Variants in ASXL1 observed in about 807,000 individuals in gnomAD.
ASXL1 encodes ASXL transcriptional regulator 1, also known as polycomb group protein ASXL1.
In ASXL1, 65 loss-of-function variants were observed where a neutral mutation model predicts 89.1. The observed-to-expected ratio is 0.73, with a 90% CI of 0.60 to 0.90. The LOEUF is 0.90. Ranked by LOEUF, ASXL1 falls within the 40% of genes least tolerant of loss-of-function variation. The pLI, the probability that ASXL1 is intolerant of heterozygous loss-of-function variation, is 0.00. For synonymous variants in ASXL1, 739 were observed against 746.9 expected, an observed-to-expected ratio of 0.99 and a Z score of 0.17; for missense variants, 1,786 against 1,942.9, an observed-to-expected ratio of 0.92 and a Z score of 1.52.
rs995185013 is a variant in ASXL1, at chr20:32,431,121, C to T, written c.719-200C>T. The T allele has an allele frequency of 9.6e-6, 7 of 729,088 alleles. No individual in the cohort carries two copies. In the African/African-American group the frequency reaches 1.0e-4, roughly 11 times the overall value. The allele number at this position is 729,088 out of a possible 1,614,324, so 45.2% of individuals were successfully genotyped here. On this transcript the variant is annotated intron_variant, in intron 8 of 12. Transcript: ENST00000375687. ...AGAGTTTTGTCTGAGGAGATGCAAC[C>T]CCAAGTGTTCTCCTGGGTTTGATGG...
intron 4 of ASXL1, among the ~76,000 whole-genome samples, chr20:32,399,592 C>CT (rs2048833862): frequency 6.7e-6 from 1 of 150,302 alleles, no homozygotes; most frequent in Admixed American, 6.7e-5. Flanking sequence ...CATTAGGCTG[C>CT]TTGAAGTTGC....
At chr20:32,361,470 T>A (rs927727087) in intron 1 of ASXL1, among the ~76,000 whole-genome samples, 2 of 151,338 alleles carry the variant, frequency 1.3e-5, no homozygotes, top group African/African-American at 4.9e-5. Flanking sequence ...AAACCCAGTC[T>A]CTACTAAAAA....
At chr20:32,387,181 C>G (rs995358721) in intron 4 of ASXL1, among the ~76,000 whole-genome samples, 1 of 151,898 alleles carries the variant, frequency 6.6e-6, no homozygotes, top group Non-Finnish European at 1.5e-5. Flanking sequence ...TTGTGCACCC[C>G]CATAATCCCA....
rs1391303880 is a variant in ASXL1 at position 32,434,655 on chromosome 20, G to C, written c.1943G>C (p.Gly648Ala). 1.2e-6 allele frequency: 2 copies of C among 1,605,390 alleles called. No homozygotes were observed. The highest frequency in any genetic ancestry group is 2.7e-5 in the African/African-American group (2 of 74,658). The change falls in exon 13 of 13, where the codon GGT becomes GCT. Residue 648 changes from glycine (G) to alanine (A), a missense_variant. Around this residue, in one of 3 missense-constraint regions of ASXL1, gnomAD observed 1,418 missense variants for 1,427.8 expected, o/e 0.99. Coordinates refer to ENST00000375687, the MANE Select transcript of ASXL1 (RefSeq NM_015338.6). ...GCCATCGGAGGGGGGGGTGGCCCGG[G>C]TGGAGGTGGCGGCGGGGCCACCGAT... ...TTAIGGGGGPGGGGGGATDEG... is the reference protein window; with the variant it reads ...TTAIGGGGGPAGGGGGATDEG...
chr20:32,389,704 G>C (rs528663814), intron 4 of ASXL1, among the ~76,000 whole-genome samples: 1 of 152,258 alleles, frequency 6.6e-6, no homozygotes, highest in East Asian at 1.9e-4. Flanking sequence ...TCCTGCCTCA[G>C]CCTCACAAGT....
chr20:32,428,936 C>T (rs1322712318), intron 6 of ASXL1: 2 of 332,900 alleles, frequency 6.0e-6, no homozygotes, highest in Non-Finnish European at 1.2e-5. Flanking sequence ...GCTGGGATTA[C>T]AGGTGTGAGT....
chr20:32,428,341 A>G lies in ASXL1; in HGVS notation c.390A>G (p.Thr130=). 1 of 1,614,152 alleles carries G rather than the reference A, an allele frequency of 6.2e-7. No individual in the cohort carries two copies. The highest frequency in any genetic ancestry group is 1.1e-5 in the South Asian group (1 of 91,078). Residue 130 remains threonine, a synonymous_variant, in exon 6 of 13, where the codon ACA becomes ACG. Transcript: ENST00000375687. ...SGENDVSLDE[T]SSNASCSTES... ...CTCTTCCAGTATCTCTTGATGAAAC[A>G]TCTTCGAACGCATCCTGTTCTACAG...
intron 4 of ASXL1, among the ~76,000 whole-genome samples, chr20:32,396,993 A>C (rs982293845): frequency 9.2e-5 from 11 of 119,984 alleles, no homozygotes; most frequent in Non-Finnish European, 1.3e-4. Flanking sequence ...TAAACATTGC[A>C]AAAAAAAAAA....
intron 4 of ASXL1, among the ~76,000 whole-genome samples, chr20:32,370,665 G>T (rs2048286309): frequency 6.6e-6 from 1 of 152,026 alleles, no homozygotes; most frequent in African/African-American, 2.4e-5. Context: ...ATAAATACCT[G>T]AACAAATACC....
chr20:32,366,295 C>G, intron 1 of ASXL1, 89 bp from the exon 2 acceptor site: 2 of 1,160,824 alleles, frequency 1.7e-6, no homozygotes, highest in Non-Finnish European at 1.3e-6. Flanking sequence ...CCAGCGGTAC[C>G]TCATAGCATA....
chr20:32,377,217 G>A lies in ASXL1; in HGVS notation c.252+8094G>A, dbSNP rs199749502. Reference sequence around the variant, plus strand: ...ATCTATGTATATTATATCACCTGACGTCAGGTGATCCACCCACCTTAGCCT... The same window carrying A: ...ATCTATGTATATTATATCACCTGACATCAGGTGATCCACCCACCTTAGCCT... On this transcript the variant is annotated intron_variant, in intron 4 of 12. Coordinates refer to ENST00000375687, the MANE Select transcript of ASXL1 (RefSeq NM_015338.6). Among the ~76,000 whole-genome samples the A allele has an allele frequency of 3.8e-4, 54 of 142,006 alleles. No individual in the cohort carries two copies. The East Asian group carries it at 4.0e-3, about 11-fold the overall frequency. The allele number at this position is 142,006 out of a possible 152,430, so 93.2% of individuals were successfully genotyped here.
At chr20:32,359,907 G>T (rs967109048) in intron 1 of ASXL1, 3 of 710,362 alleles carry the variant, frequency 4.2e-6, no homozygotes, top group Non-Finnish European at 5.3e-6. Flanking sequence ...CAGTTCCTAA[G>T]ATCTGTCACA....
intron 8 of ASXL1, 137 bp from the exon 9 acceptor site, chr20:32,431,184 T>A: frequency 9.7e-7 from 1 of 1,031,106 alleles, no homozygotes; most frequent in Non-Finnish European, 1.5e-6. Context: ...CAGGTTAGGA[T>A]GGACTGGACA....
At position 32,397,250 on chromosome 20, in the gene ASXL1, C is replaced by CTTTTTTTTTTTTTTTT. The variant is rs71187116; in HGVS notation, c.252+28143_252+28158dup. ...TTGTGGGGTGAGCGACCATGCCTGGCTTTTTTTTTTTTTTTTTTTTTTTTT... is the reference window on the plus strand; with the variant it reads ...TTGTGGGGTGAGCGACCATGCCTGGCTTTTTTTTTTTTTTTTTTTTTTTTTTTTTTTTTTTTTTTTT... On this transcript the variant is annotated intron_variant, in intron 4 of 12. Transcript: ENST00000375687. 2.9e-4 allele frequency among the ~76,000 whole-genome samples: 2 copies of CTTTTTTTTTTTTTTTT among 6,982 alleles called. 1 individual carries two copies. The highest frequency in any genetic ancestry group is 5.4e-4 in the Non-Finnish European group (2 of 3,692). The allele number at this position is 6,982 out of a possible 152,430, so 4.6% of individuals were successfully genotyped here. A position where few individuals can be genotyped will look rare whatever the true frequency, so the allele number is the denominator to read the frequency against.
In ASXL1 at chr20:32,435,679, T is replaced by C; in HGVS notation, c.2967T>C (p.Ser989=). 1 of 1,614,162 alleles carries C rather than the reference T, an allele frequency of 6.2e-7. No homozygotes were observed. The highest frequency in any genetic ancestry group is 8.5e-7 in the Non-Finnish European group (1 of 1,180,028). Residue 989 remains serine, a synonymous_variant, in exon 13 of 13, where the codon TCT becomes TCC. Coordinates refer to ENST00000375687, the MANE Select transcript of ASXL1 (RefSeq NM_015338.6). ...DIEKLKINGD[S]EALSPHGEST... ...AAAAGCTGAAAATCAACGGAGACTC[T>C]GAAGCACTGAGTCCTCACGGTGAGT...
In ASXL1 at chr20:32,434,403, AAAACTATTTTC is replaced by A; in HGVS notation, c.1720-28_1720-18del. ...CCTAGGTCAGATCACCCAGTCAGTT[AAAACTATTTTC>A]TAATTCTTTTTTTGCAGATTCAACT... On this transcript the variant is annotated intron_variant, in intron 12 of 12. Coordinates refer to ENST00000375687, the MANE Select transcript of ASXL1 (RefSeq NM_015338.6). The A allele has an allele frequency of 6.2e-7, 1 of 1,613,080 alleles. No individual in the cohort carries two copies. Among genetic ancestry groups the A allele is most frequent in the Non-Finnish European group, 8.5e-7 (1 of 1,179,672 alleles).
At chr20:32,427,554 A>G (rs2011358147) in intron 4 of ASXL1, 1 of 169,674 alleles carries the variant, frequency 5.9e-6, no homozygotes. Context: ...ATTCTTTCAC[A>G]TTTGCTCATC....
intron 1 of ASXL1, among the ~76,000 whole-genome samples, chr20:32,362,712 T>C (rs954428433): frequency 1.3e-5 from 2 of 152,244 alleles, no homozygotes; most frequent in African/African-American, 4.8e-5. Flanking sequence ...AGAATTTCAG[T>C]ATAGTGTACC....
At chr20:32,404,968 C>T (rs1005175110) in intron 4 of ASXL1, among the ~76,000 whole-genome samples, 4 of 152,078 alleles carry the variant, frequency 2.6e-5, no homozygotes, top group African/African-American at 9.7e-5. Context: ...TGCTTACTGA[C>T]CATTTTATCA....
Sources: gnomAD v4.1 joint callset for allele counts (sites outside exome capture counted in the v4.1 genomes callset) on GRCh38, gnomAD v4.1.1 for gene constraint, gnomAD v4.1.1 regional missense constraint, MANE v1.5 for transcripts, NCBI Gene and HGNC (gene_info 2026-07-23, HGNC 2026-07-21) for gene names.